Variants in THSD7B observed in about 807,000 individuals in gnomAD.
THSD7B encodes the protein thrombospondin type-1 domain-containing protein 7B.
In THSD7B, 138 loss-of-function variants were observed where a neutral mutation model predicts 213.6. The ratio of observed to expected loss-of-function variants is 0.65; its 90% CI spans 0.56 to 0.74. THSD7B has a LOEUF of 0.74. Among genes scored for constraint, THSD7B ranks in the 30% least tolerant of loss-of-function variants. The probability of loss-of-function intolerance (pLI) is 0.00; values close to 1 mark genes in which losing one functional copy is unlikely to be tolerated. For synonymous variants in THSD7B, 742 were observed against 687.0 expected (o/e 1.08, Z -1.25); for missense variants, 1,931 against 1,991.5 (o/e 0.97, Z 0.58).
At chr2:136,882,359 C>G in intron 2 of THSD7B, 42 bp downstream of exon 2, 1 of 1,431,338 alleles carries the variant, frequency 7.0e-7, no homozygotes, top group Non-Finnish European at 9.2e-7. Flanking sequence ...TTTTCATTAA[C>G]AGGAAGAATA....
At chr2:137,222,359 A>G (rs751621462) in intron 7 of THSD7B, among the ~76,000 whole-genome samples, 37 of 152,218 alleles carry the variant, frequency 2.4e-4, no homozygotes, top group Non-Finnish European at 4.9e-4. Flanking sequence ...TATTCTGTCC[A>G]TTATAATGCA....
chr2:136,982,178 G>C (rs1685586979), intron 2 of THSD7B, among the ~76,000 whole-genome samples: 2 of 152,078 alleles, frequency 1.3e-5, no homozygotes, highest in Admixed American at 1.3e-4. Flanking sequence ...TGGGATTATA[G>C]GTGTGAGACA....
chr2:137,131,640 CTTTCCCCATTGCTTGTTT>C (rs1418176818), intron 5 of THSD7B, among the ~76,000 whole-genome samples: 4 of 152,170 alleles, frequency 2.6e-5, no homozygotes, highest in Non-Finnish European at 4.4e-5. Context: ...ATAGGGAATC[CTTTCCCCATTGCTTGTTT>C]TTGTCAGATT....
chr2:137,531,025 C>T (rs572375316), intron 15 of THSD7B, among the ~76,000 whole-genome samples: 2 of 152,056 alleles, frequency 1.3e-5, no homozygotes, highest in East Asian at 3.9e-4. Flanking sequence ...ATTTTCGTAG[C>T]CTACATCTTT....
chr2:137,583,599 C>A (rs1271136767), intron 17 of THSD7B, among the ~76,000 whole-genome samples: 6 of 152,164 alleles, frequency 3.9e-5, no homozygotes, highest in Admixed American at 6.5e-5. Flanking sequence ...ATAGGGAATC[C>A]TTTCCCCATT....
chr2:137,177,752 C>T (rs781639824), intron 7 of THSD7B, among the ~76,000 whole-genome samples: 1 of 152,080 alleles, frequency 6.6e-6, no homozygotes, highest in African/African-American at 2.4e-5. Context: ...TCTTACAAGG[C>T]ATGTCTTACA....
intron 3 of THSD7B, among the ~76,000 whole-genome samples, chr2:137,057,750 T>C (rs1381824294): frequency 1.3e-5 from 2 of 152,222 alleles, no homozygotes; most frequent in Non-Finnish European, 2.9e-5. Context: ...TACCGAAAAG[T>C]TGTTCCAAGA....
At chr2:137,517,686 C>A (rs1680096408) in intron 15 of THSD7B, among the ~76,000 whole-genome samples, 2 of 152,308 alleles carry the variant, frequency 1.3e-5, no homozygotes, top group African/African-American at 4.8e-5. Context: ...GCTGTGCAAG[C>A]TTCTCTGCCA....
chr2:136,955,080 G>T (rs574771907), intron 2 of THSD7B, among the ~76,000 whole-genome samples: 1 of 152,160 alleles, frequency 6.6e-6, no homozygotes, highest in African/African-American at 2.4e-5. Flanking sequence ...CTAGATTGGA[G>T]GGTTAGGAAA....
chr2:137,069,875 C>CAT (rs1209328076), intron 3 of THSD7B, among the ~76,000 whole-genome samples: 1 of 150,106 alleles, frequency 6.7e-6, no homozygotes, highest in Non-Finnish European at 1.5e-5. Context: ...ACATATAAAA[C>CAT]ATATATATAG....
intron 7 of THSD7B, among the ~76,000 whole-genome samples, chr2:137,191,654 G>A (rs35067637): frequency 0.084 from 12,742 of 151,886 alleles, 685 homozygotes; most frequent in African/African-American, 0.14. Flanking sequence ...GCTGCCCACC[G>A]TCCTGCACTC....
intron 20 of THSD7B, among the ~76,000 whole-genome samples, chr2:137,626,948 C>T (rs1682643413): frequency 6.6e-6 from 1 of 152,144 alleles, no homozygotes; most frequent in South Asian, 2.1e-4. Context: ...TAACAGAATA[C>T]CTAAGACTGT....
At chr2:137,227,388 T>G (rs1251129589) in intron 7 of THSD7B, among the ~76,000 whole-genome samples, 1 of 152,190 alleles carries the variant, frequency 6.6e-6, no homozygotes, top group Non-Finnish European at 1.5e-5. Context: ...AGAGCCTTTT[T>G]GAAAGATGAA....
At chr2:136,950,938 G>T (rs1558864570) in intron 2 of THSD7B, among the ~76,000 whole-genome samples, 1 of 152,178 alleles carries the variant, frequency 6.6e-6, no homozygotes, top group Non-Finnish European at 1.5e-5. Context: ...AGGTGGTGGG[G>T]AGAGATACAC....
intron 14 of THSD7B, among the ~76,000 whole-genome samples, chr2:137,437,020 T>C (rs935924): frequency 0.98 from 149,664 of 152,262 alleles, 73,608 homozygotes; most frequent in Non-Finnish European, 1. Flanking sequence ...AGCAGCAAAA[T>C]GAATATTTGT....
In THSD7B at chr2:137,057,237, G is replaced by A; in HGVS notation, c.950+7G>A. On this transcript the variant is annotated splice_region_variant and intron_variant, in intron 3 of 27. Transcript: ENST00000409968. The stretch of plus-strand genomic sequence containing the variant: ...GACAAAATGCTATGTTAAGGTAGGA[G>A]ACCTTTGATGCTTGAATTTGATTCA... 2.5e-6 allele frequency: 4 copies of A among 1,576,582 alleles called. No homozygotes were observed. Among genetic ancestry groups the A allele is most frequent in the Non-Finnish European group, 2.6e-6 (3 of 1,160,744 alleles).
intron 11 of THSD7B, among the ~76,000 whole-genome samples, chr2:137,275,053 A>G (rs1448797223): frequency 1.3e-5 from 2 of 152,222 alleles, no homozygotes; most frequent in East Asian, 1.9e-4. Flanking sequence ...CAGAATCTGT[A>G]GTTATACTTA....
intron 16 of THSD7B, among the ~76,000 whole-genome samples, chr2:137,569,756 T>A (rs1681315739): frequency 6.6e-6 from 1 of 152,068 alleles, no homozygotes; most frequent in Non-Finnish European, 1.5e-5. Context: ...TCCTCTCCCA[T>A]GTTCTCTGTC....
chr2:137,298,548 A>T (rs965290275), intron 12 of THSD7B, among the ~76,000 whole-genome samples: 1 of 152,144 alleles, frequency 6.6e-6, no homozygotes, highest in African/African-American at 2.4e-5. Context: ...GAGACTTTTC[A>T]TGTCAGCCCC....
Sources: gnomAD v4.1 joint callset for allele counts (sites outside exome capture counted in the v4.1 genomes callset) on GRCh38, gnomAD v4.1.1 for gene constraint, MANE v1.5 for transcripts, NCBI Gene and HGNC (gene_info 2026-07-23, HGNC 2026-07-21) for gene names.